BMERB1: variants seen among roughly 807,000 people sequenced by gnomAD.
BMERB1 encodes the protein bMERB domain-containing protein 1.
In BMERB1, 12 loss-of-function variants were observed where a neutral mutation model predicts 23.6. The ratio of observed to expected loss-of-function variants is 0.51; its 90% CI spans 0.33 to 0.82. The LOEUF (loss-of-function observed/expected upper bound fraction) is 0.82, where lower values mean the gene tolerates loss of function less well. Among genes scored for constraint, BMERB1 ranks in the 40% least tolerant of loss-of-function variants. BMERB1 has a pLI of 0.03. For synonymous variants in BMERB1, 122 were observed against 96.6 expected, an observed-to-expected ratio of 1.26 and a Z score of -1.54; for missense variants, 247 against 255.4, an observed-to-expected ratio of 0.97 and a Z score of 0.22.
intron 1 of BMERB1, among the ~76,000 whole-genome samples, chr16:15,501,168 G>A (rs796900972): frequency 2.7e-5 from 4 of 150,244 alleles, no homozygotes; most frequent in African/African-American, 9.8e-5. Flanking sequence ...TAAGAGACAG[G>A]GTCTCGTTGC....
At chr16:15,518,744 G>A (rs1402879282) in intron 2 of BMERB1, among the ~76,000 whole-genome samples, 2 of 149,230 alleles carry the variant, frequency 1.3e-5, no homozygotes, top group East Asian at 4.1e-4. Context: ...GCCAAGCTAG[G>A]ATGCAGTCTG....
intron 2 of BMERB1, among the ~76,000 whole-genome samples, chr16:15,524,115 A>G (rs1051922433): frequency 6.6e-6 from 1 of 152,198 alleles, no homozygotes; most frequent in African/African-American, 2.4e-5. Context: ...ATGTGCGTTT[A>G]TGTAACTTGA....
chr16:15,571,845 A>G (rs2030736582), intron 3 of BMERB1, among the ~76,000 whole-genome samples: 1 of 151,198 alleles, frequency 6.6e-6, no homozygotes, highest in African/African-American at 2.4e-5. Context: ...TTCCTCCTCT[A>G]CTCCGCGTTT....
intron 1 of BMERB1, among the ~76,000 whole-genome samples, chr16:15,443,586 C>T (rs2050959856): frequency 6.6e-6 from 1 of 151,844 alleles, no homozygotes; most frequent in African/African-American, 2.4e-5. Context: ...TCCACCGCAA[C>T]TTATAAAGCA....
At chr16:15,571,387 T>A (rs1025829896) in intron 3 of BMERB1, among the ~76,000 whole-genome samples, 1 of 150,846 alleles carries the variant, frequency 6.6e-6, no homozygotes, top group African/African-American at 2.5e-5. Context: ...AGACGGAGTC[T>A]CGCTCTGTCC....
At chr16:15,541,103 C>G (rs1328923796) in intron 2 of BMERB1, among the ~76,000 whole-genome samples, 1 of 152,074 alleles carries the variant, frequency 6.6e-6, no homozygotes, top group Non-Finnish European at 1.5e-5. Context: ...CCACGACCAC[C>G]TCCTCGGGTT....
intron 2 of BMERB1, among the ~76,000 whole-genome samples, chr16:15,530,467 G>A (rs1432625660): frequency 2.0e-5 from 3 of 152,184 alleles, no homozygotes; most frequent in African/African-American, 7.2e-5. Flanking sequence ...GGAGTGCAGT[G>A]ACACGGTCAT....
In BMERB1 at chr16:15,453,520, T is replaced by C. The variant is rs1047051451; in HGVS notation, c.106+18761T>C. Among the ~76,000 whole-genome samples, 7 of 152,156 alleles carry C rather than the reference T, an allele frequency of 4.6e-5. No homozygotes were observed. The East Asian group carries it at 1.3e-3, about 29-fold the overall frequency. ...TCACTTGACTCCAGGAGTATGAGGC[T>C]GCAGTGAGCCAAGACTGTGCCACTG... On this transcript the variant is annotated intron_variant, in intron 1 of 5. Transcript: ENST00000300006.
rs374603013 is a variant in BMERB1 at position 15,455,136 on chromosome 16, G to T, written c.106+20377G>T. Among the ~76,000 whole-genome samples the T allele has an allele frequency of 2.0e-4, 31 of 152,016 alleles. No homozygotes were observed. In the East Asian group the frequency reaches 3.9e-3, roughly 19 times the overall value. ...GACCTGAGGTCAGGAGTTCAGCCTG[G>T]CTAACATGGCAAAACCGTCTCTACT... On this transcript the variant is annotated intron_variant, in intron 1 of 5. Coordinates refer to ENST00000300006, the MANE Select transcript of BMERB1 (RefSeq NM_033201.3).
At chr16:15,505,196 A>G (rs916890730) in intron 1 of BMERB1, among the ~76,000 whole-genome samples, 1 of 152,198 alleles carries the variant, frequency 6.6e-6, no homozygotes, top group East Asian at 1.9e-4. Flanking sequence ...GACCTTTCCA[A>G]CGCAAAGGAC....
At chr16:15,555,583 A>G (rs906708297) in intron 2 of BMERB1, among the ~76,000 whole-genome samples, 4 of 152,182 alleles carry the variant, frequency 2.6e-5, no homozygotes, top group Non-Finnish European at 4.4e-5. Context: ...ATCAAAGGAA[A>G]GGCCAGTGTG....
rs375178614 is a variant in BMERB1 at position 15,523,613 on chromosome 16, C to T, written c.230+8185C>T. 3.3e-5 allele frequency among the ~76,000 whole-genome samples: 5 copies of T among 152,142 alleles called. No homozygotes were observed. In the South Asian group the frequency reaches 6.2e-4, roughly 19 times the overall value. Reference sequence around the variant, plus strand: ...AACTAGCTTTGAATTCTACTTCTTACCAACTGTGTGGCCTGGAGCAAATAC... The same window carrying T: ...AACTAGCTTTGAATTCTACTTCTTATCAACTGTGTGGCCTGGAGCAAATAC... On this transcript the variant is annotated intron_variant, in intron 2 of 5. Coordinates refer to ENST00000300006, the MANE Select transcript of BMERB1 (RefSeq NM_033201.3).
intron 2 of BMERB1, among the ~76,000 whole-genome samples, chr16:15,521,810 C>A (rs560875343): frequency 6.6e-6 from 1 of 152,088 alleles, no homozygotes; most frequent in African/African-American, 2.4e-5. Flanking sequence ...ATGCTTGAAA[C>A]GCCTGTGTTT....
At position 15,533,509 on chromosome 16, in the gene BMERB1, G is replaced by A. The variant is rs981447016; in HGVS notation, c.230+18081G>A. ...TCCCAGGTTCAAACAATCCTCCTGC[G>A]TCAGCCTTCTGAGTAGCTGGGACCA... On this transcript the variant is annotated intron_variant, in intron 2 of 5. Coordinates refer to ENST00000300006, the MANE Select transcript of BMERB1 (RefSeq NM_033201.3). Among the ~76,000 whole-genome samples, 4 of 151,488 alleles carry A rather than the reference G, an allele frequency of 2.6e-5. No individual in the cohort carries two copies. In the East Asian group the frequency reaches 7.7e-4, roughly 29 times the overall value.
chr16:15,554,956 G>A (rs1166511137), intron 2 of BMERB1, among the ~76,000 whole-genome samples: 2 of 152,116 alleles, frequency 1.3e-5, no homozygotes, highest in South Asian at 4.2e-4. Flanking sequence ...TTGAGCCACC[G>A]TGCCCGGCCA....
chr16:15,586,871 C>A lies in BMERB1; in HGVS notation c.*42C>A. ...CCTGGGCCATGGGGACCCCCCCCCA[C>A]CCTCTTGTCTTTATAGCCCCCATTT... On this transcript the variant is annotated 3_prime_UTR_variant, in exon 6 of 6. Transcript: ENST00000300006. The A allele has an allele frequency of 7.7e-7, 1 of 1,291,618 alleles. No homozygotes were observed. The highest frequency in any genetic ancestry group is 2.5e-5 in the East Asian group (1 of 39,784). 80.0% of individuals were successfully genotyped at this position (1,291,618 alleles called of 1,614,324 possible).
At chr16:15,467,151 T>C (rs191721678) in intron 1 of BMERB1, among the ~76,000 whole-genome samples, 5 of 152,340 alleles carry the variant, frequency 3.3e-5, no homozygotes, top group Admixed American at 2.6e-4. Flanking sequence ...CTGCTATGAA[T>C]ACTCTTATGC....
chr16:15,443,249 T>G (rs1672240), intron 1 of BMERB1, among the ~76,000 whole-genome samples: 1 of 147,374 alleles, frequency 6.8e-6, no homozygotes, highest in African/African-American at 2.5e-5. Flanking sequence ...CCTGAGACCC[T>G]GTCTCAAAAA....
chr16:15,539,513 G>C (rs2150962279), intron 2 of BMERB1, among the ~76,000 whole-genome samples: 1 of 152,218 alleles, frequency 6.6e-6, no homozygotes, highest in Non-Finnish European at 1.5e-5. Context: ...TACGCTCTGG[G>C]ATGATTTTAG....
Sources: allele counts gnomAD v4.1 joint callset (sites outside exome capture counted in the v4.1 genomes callset), GRCh38; gene constraint gnomAD v4.1.1; transcripts MANE v1.5; gene names NCBI Gene and HGNC (gene_info 2026-07-23, HGNC 2026-07-21).